TLK1: variants seen among roughly 807,000 people sequenced by gnomAD.
TLK1 encodes the protein serine/threonine-protein kinase tousled-like 1.
A neutral mutation model predicts 105.3 loss-of-function variants in TLK1; 24 were observed. That is an observed-to-expected ratio of 0.23 (90% confidence interval 0.17 to 0.32). The LOEUF is 0.32. TLK1 is among the 10% of genes least tolerant of loss of function. The pLI is 1.00. For synonymous variants in TLK1, 321 were observed against 310.4 expected (o/e 1.03, Z -0.36); for missense variants, 558 against 910.5 (o/e 0.61, Z 4.98).
At chr2:171,141,637 T>G (rs1691579010) in intron 1 of TLK1, among the ~76,000 whole-genome samples, 1 of 152,064 alleles carries the variant, frequency 6.6e-6, no homozygotes. Flanking sequence ...ACAGAAACTC[T>G]GGAAACCAGG....
intron 1 of TLK1, among the ~76,000 whole-genome samples, chr2:171,221,978 C>T (rs939788481): frequency 3.3e-5 from 5 of 152,212 alleles, no homozygotes; most frequent in Admixed American, 2.6e-4. Context: ...TCACCAAATA[C>T]CCATGCGTTC....
chr2:170,994,370 C>A (rs1683947225), intron 20 of TLK1, among the ~76,000 whole-genome samples: 1 of 151,950 alleles, frequency 6.6e-6, no homozygotes, highest in Admixed American at 6.5e-5. Context: ...TAAAGACTTT[C>A]TTTAGATGAA....
At chr2:171,059,897 G>T in intron 4 of TLK1, 3 of 1,130,948 alleles carry the variant, frequency 2.7e-6, no homozygotes, top group Non-Finnish European at 4.0e-6. Flanking sequence ...GAGCTTAGGC[G>T]GTAATGCTCA....
At chr2:171,086,547 A>G (rs1262677084) in intron 2 of TLK1, among the ~76,000 whole-genome samples, 4 of 151,986 alleles carry the variant, frequency 2.6e-5, no homozygotes, top group Non-Finnish European at 5.9e-5. Flanking sequence ...AAATGCTTGA[A>G]TCTGGGAGAC....
intron 18 of TLK1, among the ~76,000 whole-genome samples, chr2:171,002,381 C>G (rs2105357147): frequency 6.6e-6 from 1 of 152,244 alleles, no homozygotes; most frequent in South Asian, 2.1e-4. Context: ...GCCTCAGCCT[C>G]CCGAGTAGCT....
At chr2:171,037,142 G>T (rs1164291035) in intron 11 of TLK1, among the ~76,000 whole-genome samples, 1 of 151,926 alleles carries the variant, frequency 6.6e-6, no homozygotes, top group African/African-American at 2.4e-5. Context: ...AAGAAATAGG[G>T]TATTAAGAAG....
intron 1 of TLK1, among the ~76,000 whole-genome samples, chr2:171,145,421 C>G (rs1691752838): frequency 6.6e-6 from 1 of 152,014 alleles, no homozygotes; most frequent in Non-Finnish European, 1.5e-5. Context: ...GAAACCCTGT[C>G]TCTACTAAAA....
At chr2:171,080,971 G>C (rs1053613548) in intron 3 of TLK1, among the ~76,000 whole-genome samples, 2 of 152,154 alleles carry the variant, frequency 1.3e-5, no homozygotes, top group African/African-American at 4.8e-5. Context: ...CTCCCAACAT[G>C]CTGGGATTAC....
At position 170,990,941 on chromosome 2, in the gene TLK1, G is replaced by T. The variant is rs954221136; in HGVS notation, c.*2839C>A. 6.6e-6 allele frequency: 1 copy of T among 151,392 alleles called. No homozygotes were observed. The highest frequency in any genetic ancestry group is 2.4e-5 in the African/African-American group (1 of 41,168). The allele number at this position is 151,392 out of a possible 1,614,324, so 9.4% of individuals were successfully genotyped here. A position where few individuals can be genotyped will look rare whatever the true frequency, so the allele number is the denominator to read the frequency against. ...TTTGACTTCATGTAATGAGGTGTTT[G>T]TTCACATTTTATATGCCATTTAAAC... On this transcript the variant is annotated 3_prime_UTR_variant, in exon 21 of 21. Coordinates refer to ENST00000431350, the MANE Select transcript of TLK1 (RefSeq NM_012290.5).
chr2:171,021,563 TG>T (rs913836629), intron 12 of TLK1, among the ~76,000 whole-genome samples: 1 of 150,988 alleles, frequency 6.6e-6, no homozygotes, highest in Non-Finnish European at 1.5e-5. Context: ...TCACCATGCC[TG>T]GCCTCTGCTT....
intron 1 of TLK1, among the ~76,000 whole-genome samples, chr2:171,230,923 A>G (rs1693984974): frequency 6.6e-6 from 1 of 152,236 alleles, no homozygotes; most frequent in South Asian, 2.1e-4. Flanking sequence ...ATCTGGAGCC[A>G]AAAGCAGCTG....
intron 2 of TLK1, among the ~76,000 whole-genome samples, chr2:171,095,621 G>A (rs1464114914): frequency 2.0e-5 from 3 of 151,926 alleles, no homozygotes; most frequent in African/African-American, 7.3e-5. Context: ...CACATTAACA[G>A]GATCATCATA....
In TLK1 at chr2:171,201,227, C is replaced by T. The variant is rs138232332; in HGVS notation, c.-6+29918G>A. On this transcript the variant is annotated intron_variant, in intron 1 of 20. Coordinates refer to the TLK1 transcript ENST00000521943. ...TTATCTGTCTTCCTTACCCTAAGTT[C>T]ATCACAAAAGTTTTTACATTCATAG... is the stretch of plus-strand genomic sequence containing the variant. Among the ~76,000 whole-genome samples the T allele has an allele frequency of 1.7e-3, 266 of 152,212 alleles. 2 individuals are homozygous for T. The highest frequency in any genetic ancestry group is 6.2e-3 in the African/African-American group (257 of 41,542).
At chr2:171,164,820 C>T (rs1031455021), upstream of TLK1, among the ~76,000 whole-genome samples, 9 of 151,856 alleles carry the variant, frequency 5.9e-5, no homozygotes, top group Non-Finnish European at 8.8e-5. Flanking sequence ...AAAAAATGTC[C>T]GATAAAAAAA....
Position 171,061,162 on chromosome 2 carries a change from G to A in TLK1, c.331-6C>T. On this transcript the variant is annotated splice_region_variant and splice_polypyrimidine_tract_variant and intron_variant, in intron 3 of 20. Coordinates refer to ENST00000431350, the MANE Select transcript of TLK1 (RefSeq NM_012290.5). ...GATTGTTTCTTCTCCGGTGTCTACA[G>A]AAAACAAGATAACAGATTTTTAAAT... The A allele has an allele frequency of 6.2e-7, 1 of 1,612,392 alleles. No individual in the cohort carries two copies. Among genetic ancestry groups the A allele is most frequent in the South Asian group, 1.1e-5 (1 of 90,876 alleles).
At chr2:171,081,611 C>T in intron 3 of TLK1, 2 of 1,285,192 alleles carry the variant, frequency 1.6e-6, no homozygotes, top group Non-Finnish European at 2.0e-6. Flanking sequence ...AACTGATAAT[C>T]TGATGCTACA....
intron 3 of TLK1, among the ~76,000 whole-genome samples, chr2:171,074,173 G>A (rs1688392826): frequency 6.6e-6 from 1 of 152,134 alleles, no homozygotes; most frequent in Non-Finnish European, 1.5e-5. Flanking sequence ...TTACAGGCAT[G>A]AGCCGCCCCT....
intron 2 of TLK1, among the ~76,000 whole-genome samples, chr2:171,083,504 T>A (rs1349361683): frequency 6.6e-6 from 1 of 152,188 alleles, no homozygotes; most frequent in Non-Finnish European, 1.5e-5. Context: ...TGATACTTAT[T>A]ATCTTGTGCA....
intron 8 of TLK1, 100 bp downstream of exon 8, chr2:171,053,661 T>A (rs1687355909): frequency 2.7e-5 from 25 of 942,304 alleles, no homozygotes; most frequent in Non-Finnish European, 3.8e-5. Context: ...GCGCCTGGCC[T>A]AGCTACAGAT....
Sources: gnomAD v4.1 joint callset for allele counts (sites outside exome capture counted in the v4.1 genomes callset) on GRCh38, gnomAD v4.1.1 for gene constraint, MANE v1.5 for transcripts, NCBI Gene and HGNC (gene_info 2026-07-23, HGNC 2026-07-21) for gene names.